Variants in AKAP13 observed in about 807,000 individuals in gnomAD.
The protein encoded by AKAP13 is A-kinase anchoring protein 13, also known as A-kinase anchor protein 13.
AKAP13 carries 80 observed loss-of-function variants against 264.5 expected under a neutral mutation model. The ratio of observed to expected loss-of-function variants is 0.30; its 90% CI spans 0.25 to 0.36. The LOEUF (loss-of-function observed/expected upper bound fraction) is 0.36. Ranked by LOEUF, AKAP13 falls within the 10% of genes least tolerant of loss-of-function variation. AKAP13 has a pLI of 1.00. For missense variants in AKAP13, 3,712 were observed against 3,435.2 expected, an observed-to-expected ratio of 1.08 and a Z score of -2.01; for synonymous variants, 1,380 against 1,250.2, an observed-to-expected ratio of 1.10 and a Z score of -2.19.
intron 2 of AKAP13, among the ~76,000 whole-genome samples, chr15:85,490,084 T>C (rs540940157): frequency 5.9e-5 from 9 of 152,346 alleles, no homozygotes; most frequent in African/African-American, 2.2e-4. Flanking sequence ...GAATTGCATT[T>C]TCAGTTCCAT....
Position 85,749,271 on chromosome 15 carries a change from T to C in AKAP13, c.*4594T>C, listed in dbSNP as rs969220966. The C allele has an allele frequency of 6.6e-6, 1 of 152,252 alleles. No homozygotes were observed. The highest frequency in any genetic ancestry group is 6.5e-5 in the Admixed American group (1 of 15,282). 9.4% of individuals were successfully genotyped at this position (152,252 alleles called of 1,614,324 possible). ...ACAACATACTGGCTTCGTATTTTAT[T>C]TATCTTTCTTTCTAGTTACCAGCTT... On this transcript the variant is annotated 3_prime_UTR_variant, in exon 37 of 37. Coordinates refer to ENST00000394518, the MANE Select transcript of AKAP13 (RefSeq NM_007200.5).
chr15:85,534,830 T>C (rs1006732436), intron 4 of AKAP13: 1 of 152,244 alleles, frequency 6.6e-6, no homozygotes, highest in Non-Finnish European at 1.5e-5. Flanking sequence ...TGACATCTAC[T>C]TGATGTCATA....
At chr15:85,561,526 T>C (rs6496093) in intron 5 of AKAP13, among the ~76,000 whole-genome samples, 101,763 of 152,102 alleles carry the variant, frequency 0.67, 34,174 homozygotes, top group Middle Eastern at 0.78. Flanking sequence ...AACTAAATAC[T>C]TTGATCACAT....
chr15:85,516,057 C>T (rs1003652846), intron 2 of AKAP13, among the ~76,000 whole-genome samples: 7 of 152,042 alleles, frequency 4.6e-5, no homozygotes, highest in African/African-American at 1.4e-4. Context: ...ATTAAAATTC[C>T]ACCTAGGAAT....
At chr15:85,690,697 G>T (rs1042614684) in intron 16 of AKAP13, among the ~76,000 whole-genome samples, 2 of 152,162 alleles carry the variant, frequency 1.3e-5, no homozygotes, top group Non-Finnish European at 2.9e-5. Flanking sequence ...AGAAGACCTG[G>T]GTTCCCATTT....
intron 8 of AKAP13, among the ~76,000 whole-genome samples, chr15:85,592,401 A>C (rs776984985): frequency 2.1e-4 from 32 of 152,160 alleles, no homozygotes; most frequent in Non-Finnish European, 4.3e-4. Context: ...TAATCCAACA[A>C]CTTATAATGC....
At chr15:85,629,681 CAG>C (rs999779970) in intron 8 of AKAP13, among the ~76,000 whole-genome samples, 2 of 148,838 alleles carry the variant, frequency 1.3e-5, no homozygotes, top group Non-Finnish European at 3.0e-5. Flanking sequence ...CATGCCTTCT[CAG>C]GGGTATGTAA....
intron 2 of AKAP13, among the ~76,000 whole-genome samples, chr15:85,492,129 T>C (rs997913927): frequency 6.6e-6 from 1 of 152,240 alleles, no homozygotes; most frequent in African/African-American, 2.4e-5. Flanking sequence ...CTTAATATTA[T>C]AGAGACTTGC....
intron 1 of AKAP13, among the ~76,000 whole-genome samples, chr15:85,463,040 A>AG (rs2074583847): frequency 6.6e-6 from 1 of 150,620 alleles, no homozygotes; most frequent in Non-Finnish European, 1.5e-5. Flanking sequence ...AAAAAAAAAA[A>AG]AAAGAAATAA....
chr15:85,674,788 C>G (rs2084127137), intron 14 of AKAP13, among the ~76,000 whole-genome samples: 1 of 151,802 alleles, frequency 6.6e-6, no homozygotes, highest in Admixed American at 6.6e-5. Context: ...TTCTGGATTT[C>G]TTCTCTAACT....
intron 7 of AKAP13, chr15:85,583,024 G>A: frequency 1.0e-6 from 1 of 985,446 alleles, no homozygotes; most frequent in Non-Finnish European, 1.2e-6. Context: ...GGGGGTTGAG[G>A]CTGAAGCTGA....
rs867863931 is a variant in AKAP13 at position 85,436,697 on chromosome 15, C to G, written c.-11-49013C>G. On this transcript the variant is annotated intron_variant, in intron 1 of 36. Transcript: ENST00000394518. ...GCCGCTCAACTACATGGAAACTGAA[C>G]AACCTGCTCCTGAATGACTACTGGG... Among the ~76,000 whole-genome samples the G allele has an allele frequency of 3.0e-3, 456 of 149,616 alleles. 3 individuals carry two copies. The highest frequency in any genetic ancestry group is 0.011 in the African/African-American group (435 of 40,758).
At chr15:85,440,810 G>A (rs998695722) in intron 1 of AKAP13, among the ~76,000 whole-genome samples, 1 of 152,188 alleles carries the variant, frequency 6.6e-6, no homozygotes, top group Non-Finnish European at 1.5e-5. Context: ...CTCTACCAAG[G>A]TAATGATGAC....
rs749052917 is a variant in AKAP13 at position 85,580,684 on chromosome 15, T to G, written c.2616T>G (p.His872Gln). 2.5e-6 allele frequency: 4 copies of G among 1,614,174 alleles called. No individual in the cohort carries two copies. The highest frequency in any genetic ancestry group is 3.4e-6 in the Non-Finnish European group (4 of 1,180,024). ...GTCTCACAGGACTTGGTGGAGAGCA[T>G]GAGGGTCCCGCCCCTCCAGCAATCC... ...NTSLTGLGGEHEGPAPPAIPE... is the reference protein window; with the variant it reads ...NTSLTGLGGEQEGPAPPAIPE... Residue 872 changes from histidine (H) to glutamine (Q), a missense_variant, in exon 7 of 37, where the codon CAT (histidine) becomes CAG (glutamine). Coordinates refer to ENST00000394518, the MANE Select transcript of AKAP13 (RefSeq NM_007200.5).
intron 8 of AKAP13, chr15:85,621,438 A>G (rs888429754): frequency 6.6e-6 from 1 of 151,958 alleles, no homozygotes; most frequent in African/African-American, 2.4e-5. Flanking sequence ...TGATGTTTTA[A>G]AATTTTTGTC....
chr15:85,383,216 A>G (rs982321369), intron 1 of AKAP13, among the ~76,000 whole-genome samples: 1 of 152,146 alleles, frequency 6.6e-6, no homozygotes, highest in African/African-American at 2.4e-5. Flanking sequence ...AAATTGTTGG[A>G]CAAATCTAGT....
At chr15:85,487,729 CTATT>C (rs144134776) in intron 2 of AKAP13, among the ~76,000 whole-genome samples, 6,189 of 147,626 alleles carry the variant, frequency 0.042, 130 homozygotes, top group Non-Finnish European at 0.066. Flanking sequence ...CCATGCCTGG[CTATT>C]TATTTATGTA....
chr15:85,438,509 A>G (rs1233255237), intron 1 of AKAP13, among the ~76,000 whole-genome samples: 1 of 149,514 alleles, frequency 6.7e-6, no homozygotes, highest in Non-Finnish European at 1.5e-5. Context: ...TGCATCGCCA[A>G]GTCAATCCTA....
At chr15:85,723,905 T>G (rs2087449410) in intron 26 of AKAP13, among the ~76,000 whole-genome samples, 1 of 152,230 alleles carries the variant, frequency 6.6e-6, no homozygotes, top group Non-Finnish European at 1.5e-5. Context: ...CCATTTGGTT[T>G]TAATTTTTAC....
Sources: allele counts gnomAD v4.1 joint callset (sites outside exome capture counted in the v4.1 genomes callset), GRCh38; gene constraint gnomAD v4.1.1; transcripts MANE v1.5; gene names NCBI Gene and HGNC (gene_info 2026-07-23, HGNC 2026-07-21).